The following CDH6 variants were observed in gnomAD, a reference collection of about 807,000 sequenced individuals.
The protein encoded by CDH6 is cadherin-6.
A neutral mutation model predicts 78.0 loss-of-function variants in CDH6; 31 were observed. The ratio of observed to expected loss-of-function variants is 0.40; its 90% CI spans 0.30 to 0.54. The LOEUF (loss-of-function observed/expected upper bound fraction) is 0.54, where lower values mean the gene tolerates loss of function less well. CDH6 is among the 20% of genes least tolerant of loss of function. CDH6 has a pLI of 0.56. For missense variants in CDH6, 724 were observed against 975.9 expected (o/e 0.74, Z 3.44); for synonymous variants, 376 against 368.8 (o/e 1.02, Z -0.23).
intron 2 of CDH6, among the ~76,000 whole-genome samples, chr5:31,271,779 G>A (rs1455868102): frequency 1.3e-5 from 2 of 152,048 alleles, no homozygotes; most frequent in Non-Finnish European, 1.5e-5. Flanking sequence ...GCAGAGTCTC[G>A]GGCCCCACCT....
intron 2 of CDH6, among the ~76,000 whole-genome samples, chr5:31,276,600 G>A (rs1742701429): frequency 6.6e-6 from 1 of 152,186 alleles, no homozygotes; most frequent in Non-Finnish European, 1.5e-5. Context: ...TAAGAAGGTA[G>A]TTGAAGAAGT....
At chr5:31,318,034 G>C (rs1451544116) in intron 11 of CDH6, 110 bp downstream of exon 11, 4 of 1,286,860 alleles carry the variant, frequency 3.1e-6, no homozygotes, top group Non-Finnish European at 4.5e-6. Context: ...GCCTGATCTA[G>C]GTGAGTCGAG....
chr5:31,282,093 C>T (rs1235620870), intron 2 of CDH6, among the ~76,000 whole-genome samples: 1 of 152,150 alleles, frequency 6.6e-6, no homozygotes, highest in East Asian at 1.9e-4. Flanking sequence ...TTTCAGTTCA[C>T]GTTGAATTTC....
chr5:31,208,299 G>A (rs1740595100), intron 1 of CDH6, among the ~76,000 whole-genome samples: 1 of 152,148 alleles, frequency 6.6e-6, no homozygotes, highest in Admixed American at 6.5e-5. Flanking sequence ...GCTTAGATTT[G>A]TGGCGTGGCA....
chr5:31,306,558 T>A (rs1167909391), intron 7 of CDH6, among the ~76,000 whole-genome samples: 1 of 152,086 alleles, frequency 6.6e-6, no homozygotes, highest in Non-Finnish European at 1.5e-5. Context: ...TCACTTGAGG[T>A]CAGGAGTTCA....
intron 5 of CDH6, 61 bp downstream of exon 5, chr5:31,299,692 A>C (rs1304853471): frequency 7.0e-7 from 1 of 1,423,860 alleles, no homozygotes; most frequent in Non-Finnish European, 9.8e-7. Context: ...GAACTTTAAG[A>C]ATTTTTATTT....
chr5:31,245,927 G>A (rs1297150130), intron 1 of CDH6, among the ~76,000 whole-genome samples: 3 of 54,850 alleles, frequency 5.5e-5, no homozygotes, highest in Non-Finnish European at 7.4e-5. Context: ...TTTTTTTTGT[G>A]AGACAGAGTT....
chr5:31,291,608 C>T (rs1743165901), intron 2 of CDH6, among the ~76,000 whole-genome samples: 1 of 152,200 alleles, frequency 6.6e-6, no homozygotes, highest in Non-Finnish European at 1.5e-5. Context: ...GAACGTGCCC[C>T]CCGCACTGTG....
chr5:31,278,749 A>C (rs1468390777), intron 2 of CDH6, among the ~76,000 whole-genome samples: 1 of 152,226 alleles, frequency 6.6e-6, no homozygotes, highest in Non-Finnish European at 1.5e-5. Context: ...CCAACTATAT[A>C]TCTTTTAATC....
intron 2 of CDH6, among the ~76,000 whole-genome samples, chr5:31,277,439 A>C (rs1742728523): frequency 6.6e-6 from 1 of 152,238 alleles, no homozygotes; most frequent in Non-Finnish European, 1.5e-5. Context: ...TCGTTATCAC[A>C]GTTAAGTTAG....
intron 2 of CDH6, among the ~76,000 whole-genome samples, chr5:31,283,374 A>G (rs1016671756): frequency 9.9e-5 from 15 of 152,226 alleles, no homozygotes; most frequent in African/African-American, 3.4e-4. Flanking sequence ...GTTGTGGTTA[A>G]TAGAGTAGGC....
intron 1 of CDH6, among the ~76,000 whole-genome samples, chr5:31,226,808 G>GA (rs751602581): frequency 1.3e-5 from 2 of 152,172 alleles, no homozygotes; most frequent in Non-Finnish European, 2.9e-5. Flanking sequence ...AATACGTTGT[G>GA]AAAAACTAGG....
chr5:31,252,053 G>A (rs898730379), intron 1 of CDH6, among the ~76,000 whole-genome samples: 6 of 152,168 alleles, frequency 3.9e-5, no homozygotes, highest in Non-Finnish European at 1.5e-5. Flanking sequence ...CTTTAATGCT[G>A]ATTCTTTGCA....
chr5:31,288,486 T>C (rs901361345), intron 2 of CDH6, among the ~76,000 whole-genome samples: 3 of 152,180 alleles, frequency 2.0e-5, no homozygotes, highest in Non-Finnish European at 4.4e-5. Flanking sequence ...CAACAAGCTT[T>C]TCCCAGCCTT....
At chr5:31,225,205 G>A (rs993696963) in intron 1 of CDH6, among the ~76,000 whole-genome samples, 2 of 152,104 alleles carry the variant, frequency 1.3e-5, no homozygotes, top group African/African-American at 4.8e-5. Context: ...TTTATGGCTC[G>A]ATTTCTGTTC....
chr5:31,231,362 G>A (rs929828791), intron 1 of CDH6, among the ~76,000 whole-genome samples: 7 of 152,128 alleles, frequency 4.6e-5, no homozygotes, highest in African/African-American at 9.7e-5. Flanking sequence ...ACTGTTTGGC[G>A]GGGTCAGAAT....
chr5:31,257,135 C>G (rs1332633313), intron 1 of CDH6, among the ~76,000 whole-genome samples: 1 of 151,908 alleles, frequency 6.6e-6, no homozygotes, highest in Non-Finnish European at 1.5e-5. Flanking sequence ...ATGGTGATAC[C>G]TCCAAGTGCT....
chr5:31,248,525 C>T (rs1741820620), intron 1 of CDH6, among the ~76,000 whole-genome samples: 1 of 152,184 alleles, frequency 6.6e-6, no homozygotes, highest in South Asian at 2.1e-4. Flanking sequence ...CATCTCTTTA[C>T]TTTAAGGACT....
chr5:31,218,429 G>A (rs948802350), intron 1 of CDH6, among the ~76,000 whole-genome samples: 4 of 152,134 alleles, frequency 2.6e-5, no homozygotes, highest in African/African-American at 9.7e-5. Context: ...CATTTTACTG[G>A]TAGAAATTGT....
Sources: gnomAD v4.1 joint callset for allele counts (sites outside exome capture counted in the v4.1 genomes callset) on GRCh38, gnomAD v4.1.1 for gene constraint, MANE v1.5 for transcripts, NCBI Gene and HGNC (gene_info 2026-07-23, HGNC 2026-07-21) for gene names.